Variants in SGSM1 observed in about 807,000 individuals in gnomAD.
The protein encoded by SGSM1 is RUN and TBC1 domain containing 2.
A neutral mutation model predicts 133.8 loss-of-function variants in SGSM1; 73 were observed. The observed-to-expected ratio is 0.55, with a 90% CI of 0.45 to 0.66. The LOEUF (loss-of-function observed/expected upper bound fraction) is 0.66. Among genes scored for constraint, SGSM1 ranks in the 30% least tolerant of loss-of-function variants. The pLI, the probability that SGSM1 is intolerant of heterozygous loss-of-function variation, is 0.00. For missense variants in SGSM1, 1,213 were observed against 1,448.1 expected (o/e 0.84, Z 2.64); for synonymous variants, 563 against 573.0 (o/e 0.98, Z 0.25).
chr22:24,817,183 A>C (rs1210401138), intron 2 of SGSM1, among the ~76,000 whole-genome samples: 1 of 151,492 alleles, frequency 6.6e-6, no homozygotes, highest in African/African-American at 2.4e-5. Flanking sequence ...GGAGGTATAC[A>C]CTCCTGTGCT....
At chr22:24,873,424 C>T (rs1034345601) in intron 12 of SGSM1, among the ~76,000 whole-genome samples, 3 of 151,954 alleles carry the variant, frequency 2.0e-5, no homozygotes, top group Non-Finnish European at 2.9e-5. Flanking sequence ...GACAGTAGCA[C>T]CTAATTAATC....
intron 19 of SGSM1, 29 bp from the exon 20 acceptor site, chr22:24,901,804 C>G: frequency 6.2e-7 from 1 of 1,606,750 alleles, no homozygotes; most frequent in Non-Finnish European, 8.5e-7. Flanking sequence ...TCATTTCTTC[C>G]CCCTACCCCC....
At chr22:24,885,358 T>C (rs984832665) in intron 15 of SGSM1, among the ~76,000 whole-genome samples, 13 of 152,212 alleles carry the variant, frequency 8.5e-5, no homozygotes, top group Admixed American at 4.6e-4. Flanking sequence ...CCCCTTTCTC[T>C]TTTTACATAA....
chr22:24,852,000 G>A (rs1930510316), intron 5 of SGSM1, among the ~76,000 whole-genome samples: 1 of 152,176 alleles, frequency 6.6e-6, no homozygotes, highest in Non-Finnish European at 1.5e-5. Flanking sequence ...ATGACCTTGA[G>A]CATATGACCT....
intron 20 of SGSM1, among the ~76,000 whole-genome samples, chr22:24,904,587 A>AT (rs1429847101): frequency 6.6e-6 from 1 of 150,580 alleles, no homozygotes; most frequent in African/African-American, 2.4e-5. Flanking sequence ...CAAAAAAAAA[A>AT]AAAAGAAAAA....
In SGSM1 at chr22:24,919,989, T is replaced by C; in HGVS notation, c.3189T>C (p.Phe1063=). The stretch of plus-strand genomic sequence containing the variant: ...ATTTCACAGACATCATCAAATTCTT[T>C]AATGGTACCCACATGACTGGGGCCT... ...NMDFTDIIKF[F]NEMAERHNTK... Residue 1063 remains phenylalanine (F), a synonymous_variant, in exon 24 of 25, where the codon TTT becomes TTC. Coordinates refer to ENST00000400358, the MANE Select transcript of SGSM1 (RefSeq NM_001098497.3). 6.3e-7 allele frequency: 1 copy of C among 1,599,044 alleles called. No individual in the cohort carries two copies. The highest frequency in any genetic ancestry group is 8.5e-7 in the Non-Finnish European group (1 of 1,172,698).
intron 2 of SGSM1, among the ~76,000 whole-genome samples, chr22:24,829,120 C>T (rs1019638290): frequency 2.0e-5 from 3 of 151,764 alleles, no homozygotes; most frequent in African/African-American, 7.3e-5. Context: ...GGCGTGAACC[C>T]GGGAGGTGGA....
chr22:24,908,995 A>G (rs1443267003), intron 21 of SGSM1, among the ~76,000 whole-genome samples: 3 of 152,196 alleles, frequency 2.0e-5, no homozygotes. Context: ...GGAGGTGAGC[A>G]GTAGGCTAGT....
intron 2 of SGSM1, among the ~76,000 whole-genome samples, chr22:24,839,883 C>T (rs1439899921): frequency 2.0e-5 from 3 of 147,216 alleles, no homozygotes; most frequent in African/African-American, 7.5e-5. Context: ...CTTAGTCAAT[C>T]TTGCTAATGG....
At chr22:24,912,077 A>C (rs1569176936) in intron 21 of SGSM1, among the ~76,000 whole-genome samples, 1 of 151,950 alleles carries the variant, frequency 6.6e-6, no homozygotes, top group Admixed American at 6.6e-5. Flanking sequence ...AAAAAAAAAA[A>C]AAACTATCAA....
At chr22:24,811,914 G>A (rs79145561) in intron 2 of SGSM1, among the ~76,000 whole-genome samples, 1 of 150,242 alleles carries the variant, frequency 6.7e-6, no homozygotes, top group Non-Finnish European at 1.5e-5. Context: ...GCTCATGCCT[G>A]TAACAGCACT....
At chr22:24,862,331 T>A (rs1225837176) in intron 9 of SGSM1, among the ~76,000 whole-genome samples, 1 of 152,126 alleles carries the variant, frequency 6.6e-6, no homozygotes, top group Admixed American at 6.5e-5. Context: ...GGTCTCTTTA[T>A]CTTAAACCTT....
At chr22:24,911,432 C>A (rs1933618157) in intron 21 of SGSM1, among the ~76,000 whole-genome samples, 1 of 151,774 alleles carries the variant, frequency 6.6e-6, no homozygotes, top group Admixed American at 6.6e-5. Flanking sequence ...GCTGGGATTA[C>A]AGGCATGAAC....
chr22:24,889,675 A>T (rs1190917741), intron 16 of SGSM1, among the ~76,000 whole-genome samples: 3 of 138,504 alleles, frequency 2.2e-5, no homozygotes, highest in Non-Finnish European at 4.6e-5. Flanking sequence ...TTTGAGATAG[A>T]GTCTTGCTGT....
chr22:24,903,998 GGAAAAA>G (rs55910568), intron 20 of SGSM1, among the ~76,000 whole-genome samples: 29,687 of 139,974 alleles, frequency 0.21, 3,449 homozygotes, highest in East Asian at 0.44. Context: ...AAAAAAAAAA[GGAAAAA>G]GAAAAAGAAA....
intron 19 of SGSM1, among the ~76,000 whole-genome samples, chr22:24,899,998 A>G (rs1312001795): frequency 6.6e-6 from 1 of 150,720 alleles, no homozygotes; most frequent in East Asian, 1.9e-4. Context: ...ATGCTATAAA[A>G]TGACTTACTT....
chr22:24,913,953 G>A (rs1359860321), intron 22 of SGSM1, among the ~76,000 whole-genome samples: 2 of 151,772 alleles, frequency 1.3e-5, no homozygotes, highest in Admixed American at 6.6e-5. Flanking sequence ...TCAGGAGATC[G>A]AGATCATCCT....
rs777089994 is a variant in SGSM1 at position 24,898,090 on chromosome 22, A to G, written c.2141A>G (p.His714Arg). 6.2e-7 allele frequency: 1 copy of G among 1,613,964 alleles called. No individual in the cohort carries two copies. The highest frequency in any genetic ancestry group is 1.7e-5 in the Admixed American group (1 of 60,000). The change falls in exon 19 of 25, where the codon CAT becomes CGT. Residue 714 changes from histidine to arginine, a missense_variant. His to Arg is a conservative substitution (Grantham distance 29). Transcript: ENST00000400358. ...VNGTCSPDSG[H>R]PSSHNFSSGL... ...GGCACTTGTTCCCCAGACTCGGGTC[A>G]TCCTTCCTCCCATAACTTCTCCTCG...
chr22:24,846,603 A>G (rs908532524), intron 3 of SGSM1, among the ~76,000 whole-genome samples: 11 of 152,212 alleles, frequency 7.2e-5, no homozygotes, highest in African/African-American at 2.4e-4. Flanking sequence ...ATGGCACTAA[A>G]TGAAGCCTAA....
Sources: allele counts gnomAD v4.1 joint callset (sites outside exome capture counted in the v4.1 genomes callset), GRCh38; gene constraint gnomAD v4.1.1; transcripts MANE v1.5; gene names NCBI Gene and HGNC (gene_info 2026-07-23, HGNC 2026-07-21).